Variants in EIF2AK2 observed in about 807,000 individuals in gnomAD.
The protein encoded by EIF2AK2 is eukaryotic translation initiation factor 2 alpha kinase 2.
In EIF2AK2, 40 loss-of-function variants were observed where a neutral mutation model predicts 70.5. The observed-to-expected ratio is 0.57, with a 90% CI of 0.44 to 0.74. The LOEUF (loss-of-function observed/expected upper bound fraction) is 0.74. Among genes scored for constraint, EIF2AK2 ranks in the 30% least tolerant of loss-of-function variants. The pLI is 0.00. For missense variants in EIF2AK2, 555 were observed against 644.3 expected, an observed-to-expected ratio of 0.86 and a Z score of 1.50; for synonymous variants, 198 against 220.9, an observed-to-expected ratio of 0.90 and a Z score of 0.92.
chr2:37,148,540 G>A (rs1217318873), intron 2 of EIF2AK2: 8 of 704,730 alleles, frequency 1.1e-5, no homozygotes, highest in East Asian at 2.7e-5. Flanking sequence ...ATGATGGATC[G>A]ATAGTTGCAG....
intron 10 of EIF2AK2, among the ~76,000 whole-genome samples, chr2:37,127,098 G>A (rs4648206): frequency 2.0e-5 from 3 of 151,334 alleles, no homozygotes; most frequent in African/African-American, 7.3e-5. Context: ...AGAGAAATGG[G>A]CATACGCTCT....
At chr2:37,152,081 A>C (rs1675764864) in intron 1 of EIF2AK2, among the ~76,000 whole-genome samples, 2 of 152,224 alleles carry the variant, frequency 1.3e-5, no homozygotes, top group South Asian at 4.1e-4. Context: ...AACAACAACC[A>C]CAACAACAAA....
At chr2:37,120,620 A>G (rs974255836) in intron 12 of EIF2AK2, among the ~76,000 whole-genome samples, 1 of 150,008 alleles carries the variant, frequency 6.7e-6, no homozygotes, top group Non-Finnish European at 1.5e-5. Flanking sequence ...TTTTATTTCA[A>G]TCATAAGTTC....
chr2:37,123,130 T>C (rs1007030048), intron 11 of EIF2AK2, among the ~76,000 whole-genome samples: 4 of 151,514 alleles, frequency 2.6e-5, no homozygotes, highest in African/African-American at 9.7e-5. Flanking sequence ...ATTGCACCAC[T>C]GCACTCCAGC....
intron 13 of EIF2AK2, among the ~76,000 whole-genome samples, chr2:37,117,976 G>C (rs1002326206): frequency 1.3e-5 from 2 of 152,176 alleles, no homozygotes; most frequent in African/African-American, 2.4e-5. Context: ...GTAGTAGTGA[G>C]AGCCTGAAAA....
At chr2:37,127,446 G>T (rs1052937796) in intron 10 of EIF2AK2, among the ~76,000 whole-genome samples, 1 of 152,208 alleles carries the variant, frequency 6.6e-6, no homozygotes, top group African/African-American at 2.4e-5. Flanking sequence ...CCTATAAGGT[G>T]CCAAATGAGG....
chr2:37,138,424 C>A, intron 7 of EIF2AK2, 61 bp from the exon 8 acceptor site: 1 of 1,597,658 alleles, frequency 6.3e-7, no homozygotes, highest in Non-Finnish European at 8.6e-7. Context: ...TATTTCTTTC[C>A]CTAAATTCTC....
chr2:37,108,350 C>T (rs564827966), intron 15 of EIF2AK2, among the ~76,000 whole-genome samples: 4 of 152,170 alleles, frequency 2.6e-5, no homozygotes, highest in South Asian at 2.1e-4. Context: ...TGTACATTCC[C>T]GCCTCCATGC....
In EIF2AK2 at chr2:37,138,668, T is replaced by C. The variant is rs752954718; in HGVS notation, c.517-83A>G. The C allele has an allele frequency of 7.2e-5, 84 of 1,167,520 alleles. No individual in the cohort carries two copies. The Middle Eastern group carries it at 1.6e-3, about 22-fold the overall frequency. The allele number at this position is 1,167,520 out of a possible 1,614,324, so 72.3% of individuals were successfully genotyped here. On this transcript the variant is annotated intron_variant, in intron 6 of 16. Coordinates refer to ENST00000233057, the MANE Select transcript of EIF2AK2 (RefSeq NM_001135651.3). ...GGCTCAGTTTCTATGTACTATCACA[T>C]TTATTTCAACACATTTACCAAATCC...
chr2:37,115,577 C>G (rs1343849510), intron 13 of EIF2AK2, among the ~76,000 whole-genome samples: 1 of 152,112 alleles, frequency 6.6e-6, no homozygotes, highest in East Asian at 1.9e-4. Context: ...AGTTCCCCAT[C>G]CCAAGATAGG....
intron 4 of EIF2AK2, among the ~76,000 whole-genome samples, chr2:37,144,364 T>TA (rs35471741): frequency 2.0e-3 from 295 of 146,686 alleles, no homozygotes; most frequent in Admixed American, 7.1e-3. Context: ...TCCTTCTACT[T>TA]AAAAAAAAAA....
At chr2:37,125,030 G>T (rs998238021) in intron 11 of EIF2AK2, among the ~76,000 whole-genome samples, 1 of 150,112 alleles carries the variant, frequency 6.7e-6, no homozygotes, top group Non-Finnish European at 1.5e-5. Context: ...ATTTTTTTTT[G>T]AGAGGGAGTT....
chr2:37,153,738 G>A (rs935634320), intron 1 of EIF2AK2, among the ~76,000 whole-genome samples: 6 of 152,050 alleles, frequency 3.9e-5, no homozygotes, highest in African/African-American at 1.5e-4. Flanking sequence ...TTTATGAATG[G>A]ACACTGGTTA....
At position 37,146,882 on chromosome 2, in the gene EIF2AK2, C is replaced by A. The variant is rs1558429660; in HGVS notation, c.211G>T (p.Ala71Ser). The A allele has an allele frequency of 6.2e-7, 1 of 1,613,916 alleles. No homozygotes were observed. The highest frequency in any genetic ancestry group is 1.7e-5 in the Admixed American group (1 of 60,016). Residue 71 changes from alanine to serine, a missense_variant, in exon 4 of 17, where the codon GCT becomes TCT. Transcript: ENST00000233057. ...KEAKNAAAKL[A>S]VEILNKEKKA... ...TTTTCCTTATTAAGTATCTCAACAG[C>A]TAATTTGGCTGCGGCATTTTTTGCT...
At chr2:37,122,708 C>A in intron 11 of EIF2AK2, 44 bp from the exon 12 acceptor site, 1 of 1,610,518 alleles carries the variant, frequency 6.2e-7, no homozygotes, top group Non-Finnish European at 8.5e-7. Flanking sequence ...AGTGTACATC[C>A]CTCATAACAA....
Position 37,141,553 on chromosome 2 carries a change from C to G in EIF2AK2, c.389G>C (p.Gly130Ala). 1 of 1,607,418 alleles carries G rather than the reference C, an allele frequency of 6.2e-7. No homozygotes were observed. The highest frequency in any genetic ancestry group is 8.5e-7 in the Non-Finnish European group (1 of 1,178,466). ...AAAGAAAAGCCAAATTATGTCTTAC[C>G]CTTCTGGCCCATGCACCCCCGATGC... ...QCASGVHGPE[G>A]FHYKCKMGQK... Residue 130 changes from glycine (G) to alanine (A), a missense_variant and splice_region_variant, in exon 5 of 17, where the codon GGA (glycine) becomes GCA (alanine). Physicochemically the swap from Gly to Ala is moderately conservative, Grantham distance 60 (BLOSUM62 0). Coordinates refer to ENST00000233057, the MANE Select transcript of EIF2AK2 (RefSeq NM_001135651.3).
intron 4 of EIF2AK2, among the ~76,000 whole-genome samples, chr2:37,145,742 CTTTTTTTTTTTTTTTTTTTTTTTTTTTTT>C (rs56051707): frequency 5.9e-5 from 3 of 51,198 alleles, no homozygotes; most frequent in African/African-American, 1.6e-4. Context: ...TTTTGCTTGT[CTTTTTTTTTTTTTTTTTTTTTTTTTTTTT>C]TTTTTTTTTT....
intron 14 of EIF2AK2, 183 bp from the exon 15 acceptor site, chr2:37,109,478 C>T: frequency 1.8e-6 from 1 of 541,632 alleles, no homozygotes; most frequent in South Asian, 2.5e-5. Context: ...GCTGAATCCT[C>T]TGTGTAAATT....
rs551256793 is a variant in EIF2AK2, at chr2:37,106,590, G to A, written c.*683C>T. On this transcript the variant is annotated 3_prime_UTR_variant, in exon 17 of 17. Transcript: ENST00000233057. ...TCACTTTTTTTTTTTTTTTTAATGA[G>A]TACCATATTTCTCCAGCTGGCTTGT... 1 of 146,258 alleles carries A rather than the reference G, an allele frequency of 6.8e-6. No homozygotes were observed. The highest frequency in any genetic ancestry group is 2.5e-5 in the African/African-American group (1 of 39,534). The allele number at this position is 146,258 out of a possible 1,614,324, so 9.1% of individuals were successfully genotyped here. A position where few individuals can be genotyped will look rare whatever the true frequency, so the allele number is the denominator to read the frequency against.
Sources: allele counts gnomAD v4.1 joint callset (sites outside exome capture counted in the v4.1 genomes callset), GRCh38; gene constraint gnomAD v4.1.1; transcripts MANE v1.5; gene names NCBI Gene and HGNC (gene_info 2026-07-23, HGNC 2026-07-21).